Variants in ODF2L observed in about 807,000 individuals in gnomAD.
ODF2L encodes protein BCAP.
In ODF2L, 76 loss-of-function variants were observed where a neutral mutation model predicts 86.3. That is an observed-to-expected ratio of 0.88 (90% confidence interval 0.73 to 1.07). The LOEUF is 1.07. Ranked by LOEUF, ODF2L falls within the 50% of genes least tolerant of loss-of-function variation. The pLI, the probability that ODF2L is intolerant of heterozygous loss-of-function variation, is 0.00. For missense variants in ODF2L, 748 were observed against 717.4 expected (o/e 1.04, Z -0.49); for synonymous variants, 241 against 231.3 (o/e 1.04, Z -0.38).
At chr1:86,381,638 TA>T (rs1418852912) in intron 7 of ODF2L, among the ~76,000 whole-genome samples, 2 of 152,192 alleles carry the variant, frequency 1.3e-5, no homozygotes, top group Admixed American at 1.3e-4. Flanking sequence ...AGTTACCTTA[TA>T]TTGTATGATA....
intron 4 of ODF2L, 86 bp downstream of exon 4, chr1:86,384,590 C>T (rs1444938770): frequency 2.3e-6 from 2 of 854,112 alleles, no homozygotes; most frequent in Admixed American, 3.3e-5. Flanking sequence ...TTCAAATATA[C>T]CAATAATTTC....
chr1:86,355,888 T>C (rs543460361), intron 14 of ODF2L: 1 of 158,962 alleles, frequency 6.3e-6, no homozygotes, highest in Non-Finnish European at 1.4e-5. Context: ...TCACCATCTT[T>C]GGACTGCTCC....
intron 7 of ODF2L, 109 bp downstream of exon 7, chr1:86,382,133 A>G: frequency 7.5e-7 from 1 of 1,333,606 alleles, no homozygotes; most frequent in Non-Finnish European, 9.7e-7. Flanking sequence ...TCCCATGTCA[A>G]CAACTGTGTA....
chr1:86,380,502 T>C (rs1660506323), intron 7 of ODF2L, among the ~76,000 whole-genome samples: 1 of 152,280 alleles, frequency 6.6e-6, no homozygotes, highest in African/African-American at 2.4e-5. Flanking sequence ...TTTCTTAGGT[T>C]AAAAAACTTC....
At chr1:86,387,062 G>A (rs773238808) in exon 2 of ODF2L, 2 of 990,028 alleles carry the variant, frequency 2.0e-6, no homozygotes, top group South Asian at 3.4e-5. Context: ...TGGCTTCACA[G>A]CGACTTCTCC....
chr1:86,365,535 G>A (rs1424456903), intron 11 of ODF2L, among the ~76,000 whole-genome samples: 2 of 152,156 alleles, frequency 1.3e-5, no homozygotes, highest in Non-Finnish European at 2.9e-5. Context: ...GATTAGTAAT[G>A]TGCCCTATCA....
chr1:86,359,734 G>C (rs560029531), intron 12 of ODF2L, among the ~76,000 whole-genome samples: 6 of 140,766 alleles, frequency 4.3e-5, no homozygotes, highest in Middle Eastern at 7.5e-3. Context: ...ATGGTGGCCA[G>C]GCTAGTCTCG....
chr1:86,349,087 A>T, downstream of ODF2L: 1 of 304,688 alleles, frequency 3.3e-6, no homozygotes. Context: ...CACTGATATA[A>T]TTTATAATAT....
In ODF2L at chr1:86,383,327, T is replaced by C. The variant is rs942503977; in HGVS notation, c.373-131A>G. ...TCAGATTTTTAAAAGAGTTAACAAC[T>C]GAAAAGATTTTTGCCCTAGTATTCC... On this transcript the variant is annotated intron_variant, in intron 4 of 17. Coordinates refer to ENST00000317336, the Ensembl canonical transcript of ODF2L. The C allele has an allele frequency of 1.8e-5, 9 of 495,948 alleles. No individual in the cohort carries two copies. The African/African-American group carries it at 1.8e-4, about 10-fold the overall frequency. The allele number at this position is 495,948 out of a possible 1,614,324, so 30.7% of individuals were successfully genotyped here.
At chr1:86,372,392 C>A in intron 9 of ODF2L, 39 bp downstream of exon 9, 1 of 1,002,282 alleles carries the variant, frequency 1.0e-6, no homozygotes, top group East Asian at 3.1e-5. Context: ...AAAGTGAAAA[C>A]TCTTACTAAA....
rs1344625989 is a variant in ODF2L at position 86,357,142 on chromosome 1, C to A, written c.1360-540G>T. On this transcript the variant is annotated intron_variant, in intron 13 of 17. Transcript: ENST00000317336. The stretch of plus-strand genomic sequence containing the variant: ...ATTTGGCCATTAATGTTACTATCAA[C>A]AAATCTCTCTAATTTCATCTACATT... Among the ~76,000 whole-genome samples the A allele has an allele frequency of 3.9e-5, 6 of 152,160 alleles. No homozygotes were observed. In the East Asian group the frequency reaches 1.2e-3, roughly 29 times the overall value.
intron 1 of ODF2L, among the ~76,000 whole-genome samples, chr1:86,388,059 T>C (rs1326750079): frequency 3.3e-5 from 5 of 152,046 alleles, no homozygotes; most frequent in South Asian, 2.1e-4. Context: ...CTATATACTA[T>C]AGAGACAAAT....
intron 10 of ODF2L, among the ~76,000 whole-genome samples, chr1:86,369,735 C>G (rs189940337): frequency 4.7e-4 from 71 of 152,214 alleles, no homozygotes; most frequent in African/African-American, 1.5e-3. Flanking sequence ...CAGATCAGTA[C>G]GTAGCAAACA....
chr1:86,354,902 T>C (rs371368103), intron 14 of ODF2L, 43 bp from the exon 14 acceptor site: 13 of 1,071,996 alleles, frequency 1.2e-5, no homozygotes, highest in East Asian at 2.4e-5. Flanking sequence ...TTCTTCACAA[T>C]CAACTTCCAA....
At chr1:86,361,397 T>C (rs1437592310) in intron 11 of ODF2L, among the ~76,000 whole-genome samples, 22 of 152,338 alleles carry the variant, frequency 1.4e-4, no homozygotes. Context: ...GCAGTGAGCA[T>C]GCCTACCCAT....
chr1:86,385,585 T>C, exon 3 of ODF2L: 1 of 1,610,032 alleles, frequency 6.2e-7, no homozygotes, highest in Non-Finnish European at 8.5e-7. Context: ...AATGTCCTGC[T>C]TCAGGCTAAT....
At chr1:86,357,752 TA>T in intron 13 of ODF2L, 1 of 978,520 alleles carries the variant, frequency 1.0e-6, no homozygotes, top group African/African-American at 1.8e-5. Flanking sequence ...AAAATTTCAT[TA>T]AAAAAATAGT....
Position 86,382,183 on chromosome 1 carries a change from T to C in ODF2L, c.624+59A>G, listed in dbSNP as rs1195378302. On this transcript the variant is annotated intron_variant, in intron 7 of 17. Transcript: ENST00000317336. ...AATTCTAGAACTAAGGAAGGCTTTA[T>C]GGCCTTTCATTAATTTTATCACTTA... 39 of 1,500,812 alleles carry C rather than the reference T, an allele frequency of 2.6e-5. No individual in the cohort carries two copies. The South Asian group carries it at 4.0e-4, about 15-fold the overall frequency. The allele number at this position is 1,500,812 out of a possible 1,614,324, so 93.0% of individuals were successfully genotyped here.
chr1:86,367,959 A>G (rs1382395268), intron 11 of ODF2L, among the ~76,000 whole-genome samples: 1 of 152,210 alleles, frequency 6.6e-6, no homozygotes, highest in Non-Finnish European at 1.5e-5. Flanking sequence ...ACAAAGAAGC[A>G]ACTTTTGTTC....
Sources: gnomAD v4.1 joint callset for allele counts (sites outside exome capture counted in the v4.1 genomes callset) on GRCh38, gnomAD v4.1.1 for gene constraint, MANE v1.5 for transcripts, NCBI Gene and HGNC (gene_info 2026-07-23, HGNC 2026-07-21) for gene names.